UGT1A9: variants seen among roughly 807,000 people sequenced by gnomAD.
The protein encoded by UGT1A9 is UDP-glucuronosyltransferase 1A9.
UGT1A9 carries 35 observed loss-of-function variants against 45.0 expected under a neutral mutation model. That is an observed-to-expected ratio of 0.78 (90% CI 0.59 to 1.03). The LOEUF is 1.03. Among genes scored for constraint, UGT1A9 ranks in the 50% least tolerant of loss-of-function variants. UGT1A9 has a pLI of 0.00. For missense variants in UGT1A9, 687 were observed against 666.6 expected, an observed-to-expected ratio of 1.03 and a Z score of -0.34; for synonymous variants, 278 against 250.6, an observed-to-expected ratio of 1.11 and a Z score of -1.03.
chr2:233,761,011 G>T, intron 1 of UGT1A9: 1 of 1,614,156 alleles, frequency 6.2e-7, no homozygotes, highest in Non-Finnish European at 8.5e-7. Context: ...TCAGAGAGAG[G>T]TGACTGTCCA....
At chr2:233,762,169 G>A (rs1019594932) in intron 1 of UGT1A9, among the ~76,000 whole-genome samples, 34 of 152,020 alleles carry the variant, frequency 2.2e-4, no homozygotes, top group Non-Finnish European at 2.4e-4. Flanking sequence ...CACTGTATGC[G>A]GCGTCCTCAA....
chr2:233,732,570 C>A (rs1379814187), intron 1 of UGT1A9, among the ~76,000 whole-genome samples: 2 of 152,184 alleles, frequency 1.3e-5, no homozygotes, highest in Non-Finnish European at 2.9e-5. Flanking sequence ...GGAATCCTTT[C>A]CCCATTGCTT....
intron 1 of UGT1A9, among the ~76,000 whole-genome samples, chr2:233,748,437 T>C (rs1194940254): frequency 2.6e-5 from 4 of 151,838 alleles, no homozygotes; most frequent in African/African-American, 9.7e-5. Flanking sequence ...GATTTTTTGT[T>C]TGCACAATTT....
chr2:233,682,018 G>C (rs1181278614), intron 1 of UGT1A9: 3 of 1,614,020 alleles, frequency 1.9e-6, no homozygotes, highest in East Asian at 4.5e-5. Flanking sequence ...AGGCAGGGAA[G>C]CTGCTGGTAG....
At chr2:233,699,295 T>C (rs1289156028) in intron 1 of UGT1A9, among the ~76,000 whole-genome samples, 1 of 152,164 alleles carries the variant, frequency 6.6e-6, no homozygotes, top group Non-Finnish European at 1.5e-5. Context: ...GCTGGGACAC[T>C]CTTATGCTGT....
intron 1 of UGT1A9, chr2:233,718,760 G>A (rs1384235813): frequency 3.7e-6 from 6 of 1,612,482 alleles, no homozygotes; most frequent in African/African-American, 1.3e-5. Flanking sequence ...TAAGGCGAAG[G>A]AAACAAATGT....
At chr2:233,757,089 G>C (rs553473050) in intron 1 of UGT1A9, among the ~76,000 whole-genome samples, 2 of 151,396 alleles carry the variant, frequency 1.3e-5, no homozygotes, top group Admixed American at 1.3e-4. Flanking sequence ...AGGGTAAGAG[G>C]CAGAGGGAGG....
At chr2:233,750,844 C>G (rs903406800) in intron 1 of UGT1A9, 1 of 151,832 alleles carries the variant, frequency 6.6e-6, no homozygotes, top group African/African-American at 2.4e-5. Flanking sequence ...TAAGGAAATG[C>G]TTGGATGTCC....
rs558465100 is a variant in UGT1A9, at chr2:233,752,900, G to C, written c.856-14134G>C. 2.3e-4 allele frequency among the ~76,000 whole-genome samples: 35 copies of C among 152,364 alleles called. No individual in the cohort carries two copies. The South Asian group carries it at 6.8e-3, about 30-fold the overall frequency. ...GTTAAAACTAGCCAGCGTTGTTACA[G>C]ATCCACCTCTGAGTGACACTGGTAT... On this transcript the variant is annotated intron_variant, in intron 1 of 4. Transcript: ENST00000354728.
chr2:233,681,065 G>A (rs1309464009), intron 1 of UGT1A9, among the ~76,000 whole-genome samples: 2 of 151,814 alleles, frequency 1.3e-5, no homozygotes, highest in Admixed American at 1.3e-4. Context: ...GCTCACCTGT[G>A]TCACAATTGT....
chr2:233,713,569 A>G, intron 1 of UGT1A9: 3 of 1,613,912 alleles, frequency 1.9e-6, no homozygotes, highest in Non-Finnish European at 2.5e-6. Context: ...CCTTCCTCCT[A>G]TATTCCTAGA....
rs1042640 is a variant in UGT1A9 at position 233,772,898 on chromosome 2, G to T, written c.*339G>T. 1 of 456,718 alleles carries T rather than the reference G, an allele frequency of 2.2e-6. No individual in the cohort carries two copies. The highest frequency in any genetic ancestry group is 5.9e-5 in the East Asian group (1 of 16,920). The allele number at this position is 456,718 out of a possible 1,614,324, so 28.3% of individuals were successfully genotyped here. Reference sequence around the variant, plus strand: ...GTGCGGGATTCAAAGGTGGTCCCACGGCTGCCCCTACTGCAAATGGCAGTT... The same window carrying T: ...GTGCGGGATTCAAAGGTGGTCCCACTGCTGCCCCTACTGCAAATGGCAGTT... On this transcript the variant is annotated 3_prime_UTR_variant, in exon 5 of 5. Coordinates refer to ENST00000354728, the MANE Select transcript of UGT1A9 (RefSeq NM_021027.3).
At chr2:233,728,809 T>G (rs2077752579) in intron 1 of UGT1A9, among the ~76,000 whole-genome samples, 1 of 152,110 alleles carries the variant, frequency 6.6e-6, no homozygotes, top group African/African-American at 2.4e-5. Flanking sequence ...TAGGAGACAG[T>G]GACATGAAAT....
intron 1 of UGT1A9, chr2:233,682,575 A>T: frequency 6.2e-7 from 1 of 1,613,882 alleles, no homozygotes; most frequent in South Asian, 1.1e-5. Context: ...CACATCATGC[A>T]CTTGGAGGAA....
chr2:233,745,948 A>T (rs915147322), intron 1 of UGT1A9, among the ~76,000 whole-genome samples: 2 of 151,678 alleles, frequency 1.3e-5, no homozygotes, highest in Admixed American at 1.3e-4. Flanking sequence ...GGGGTTGGGC[A>T]ACTGGGGGAC....
At chr2:233,738,209 A>G (rs1479952122) in intron 1 of UGT1A9, among the ~76,000 whole-genome samples, 2 of 152,090 alleles carry the variant, frequency 1.3e-5, no homozygotes, top group Admixed American at 6.5e-5. Flanking sequence ...ACTTTCTGCC[A>G]GGATTATAAG....
At chr2:233,760,292 C>T (rs1437444805) in intron 1 of UGT1A9, 2 of 1,613,246 alleles carry the variant, frequency 1.2e-6, no homozygotes, top group Admixed American at 1.7e-5. Flanking sequence ...GGCGCCATGG[C>T]TGTGGAGTCC....
chr2:233,710,057 A>G (rs1374014159), intron 1 of UGT1A9, among the ~76,000 whole-genome samples: 1 of 152,246 alleles, frequency 6.6e-6, no homozygotes, highest in Admixed American at 6.5e-5. Context: ...TTGGCTCGGC[A>G]TAATGTCTCT....
At chr2:233,729,756 G>A in intron 1 of UGT1A9, 1 of 1,613,874 alleles carries the variant, frequency 6.2e-7, no homozygotes, top group Non-Finnish European at 8.5e-7. Context: ...TCATGCAAAG[G>A]GTCAAGAACA....
Sources: allele counts gnomAD v4.1 joint callset (sites outside exome capture counted in the v4.1 genomes callset), GRCh38; gene constraint gnomAD v4.1.1; transcripts MANE v1.5; gene names NCBI Gene and HGNC (gene_info 2026-07-23, HGNC 2026-07-21).